Variants in GOLGA6L10 observed in about 807,000 individuals in gnomAD.
The protein encoded by GOLGA6L10 is golgin A6 family like 10, also known as golgin subfamily A member 6-like protein 10.
GOLGA6L10 carries 4 observed loss-of-function variants against 56.9 expected under a neutral mutation model. The ratio of observed to expected loss-of-function variants is 0.07; its 90% CI spans 0.03 to 0.16. The LOEUF is 0.16. Among genes scored for constraint, GOLGA6L10 ranks in the 10% least tolerant of loss-of-function variants. The pLI is 1.00. For missense variants in GOLGA6L10, 34 were observed against 558.3 expected (o/e 0.06, Z 9.46); for synonymous variants, 11 against 220.9 (o/e 0.05, Z 8.43).
intron 2 of GOLGA6L10, 41 bp from the exon 3 acceptor site, chr15:82,346,927 C>T: frequency 1.4e-6 from 1 of 727,784 alleles, no homozygotes; most frequent in Non-Finnish European, 1.8e-6. Flanking sequence ...TTCTGTCCCC[C>T]CCTCACTGTC....
Position 82,342,140 on chromosome 15 carries a change from G to A in GOLGA6L10, c.*636C>T, listed in dbSNP as rs2075643710. 1 of 158,466 alleles carries A rather than the reference G, an allele frequency of 6.3e-6. No homozygotes were observed. The highest frequency in any genetic ancestry group is 1.4e-5 in the Non-Finnish European group (1 of 72,114). The allele number at this position is 158,466 out of a possible 1,614,324, so 9.8% of individuals were successfully genotyped here. A position where few individuals can be genotyped will look rare whatever the true frequency, so the allele number is the denominator to read the frequency against. On this transcript the variant is annotated 3_prime_UTR_variant, in exon 9 of 9. Coordinates refer to ENST00000610657, the MANE Select transcript of GOLGA6L10 (RefSeq NM_001164465.3). ...CCATCCCCAATACACAGAAAAAGGGGGAAAGGCTGTTTCCAGTGCTCCACC... is the reference window on the plus strand; with the variant it reads ...CCATCCCCAATACACAGAAAAAGGGAGAAAGGCTGTTTCCAGTGCTCCACC...
chr15:82,340,230 T>G lies in GOLGA6L10; in HGVS notation c.*2546A>C, dbSNP rs1193407602. On this transcript the variant is annotated 3_prime_UTR_variant, in exon 9 of 9. Transcript: ENST00000610657. ...TTCCCCTAGATTCTTTGTTTTAAGC[T>G]ACAGTATTCGTATTTTAAAATGTTT... is the stretch of plus-strand genomic sequence containing the variant. 2.0e-4 allele frequency: 31 copies of G among 151,766 alleles called. No individual in the cohort carries two copies. Among genetic ancestry groups the G allele is most frequent in the African/African-American group, 7.2e-4 (30 of 41,518 alleles). 9.4% of individuals were successfully genotyped at this position (151,766 alleles called of 1,614,324 possible). A position where few individuals can be genotyped will look rare whatever the true frequency, so the allele number is the denominator to read the frequency against.
chr15:82,348,501 G>C (rs2075701501), intron 1 of GOLGA6L10, among the ~76,000 whole-genome samples: 1 of 148,080 alleles, frequency 6.8e-6, no homozygotes, highest in Non-Finnish European at 1.5e-5. Context: ...AGCTCACAGG[G>C]GAAGTGTAGG....
In GOLGA6L10 at chr15:82,342,324, C is replaced by G; in HGVS notation, c.*452G>C. 4.7e-6 allele frequency: 1 copy of G among 212,468 alleles called. No homozygotes were observed. The highest frequency in any genetic ancestry group is 9.4e-6 in the Non-Finnish European group (1 of 106,932). The allele number at this position is 212,468 out of a possible 1,614,324, so 13.2% of individuals were successfully genotyped here. ...ACATAAGGAAATTTTATCTGAATTC[C>G]GTAATGAATATACAGGCTGTACTAA... On this transcript the variant is annotated 3_prime_UTR_variant, in exon 9 of 9. Transcript: ENST00000610657.
At chr15:82,344,013 G>A (rs1393783813) in intron 7 of GOLGA6L10, among the ~76,000 whole-genome samples, 1 of 150,338 alleles carries the variant, frequency 6.7e-6, no homozygotes, top group Non-Finnish European at 1.5e-5. Flanking sequence ...CTCTGTGATT[G>A]GGGGGCTCCA....
At chr15:82,344,061 G>C (rs2075659224) in intron 7 of GOLGA6L10, among the ~76,000 whole-genome samples, 200 bp downstream of exon 7, 1 of 150,548 alleles carries the variant, frequency 6.6e-6, no homozygotes, top group East Asian at 1.9e-4. Flanking sequence ...CCAGACCTGG[G>C]AGGGCCCCAG....
Position 82,342,204 on chromosome 15 carries a change from T to C in GOLGA6L10, c.*572A>G, listed in dbSNP as rs1246727597. The stretch of plus-strand genomic sequence containing the variant: ...AAATGTCAGTACTCACAGTGGCATA[T>C]TACAAAGTAATAGACCGCGCACTTG... On this transcript the variant is annotated 3_prime_UTR_variant, in exon 9 of 9. Transcript: ENST00000610657. 5 of 176,460 alleles carry C rather than the reference T, an allele frequency of 2.8e-5. No individual in the cohort carries two copies. In the East Asian group the frequency reaches 5.2e-4, roughly 18 times the overall value. The allele number at this position is 176,460 out of a possible 1,614,324, so 10.9% of individuals were successfully genotyped here. A position where few individuals can be genotyped will look rare whatever the true frequency, so the allele number is the denominator to read the frequency against.
In GOLGA6L10 at chr15:82,340,114, A is replaced by T. The variant is rs1221732513; in HGVS notation, c.*2662T>A. 1.3e-5 allele frequency: 2 copies of T among 151,494 alleles called. No individual in the cohort carries two copies. The highest frequency in any genetic ancestry group is 2.1e-4 in the South Asian group (1 of 4,780). 9.4% of individuals were successfully genotyped at this position (151,494 alleles called of 1,614,324 possible). The stretch of plus-strand genomic sequence containing the variant: ...AGTATTTCCATCATGCATTCTGTGT[A>T]TAAGAATTCATAAATCGGTAAAAGT... On this transcript the variant is annotated 3_prime_UTR_variant, in exon 9 of 9. Transcript: ENST00000610657.
chr15:82,344,012 T>TG (rs1434601767), intron 7 of GOLGA6L10, among the ~76,000 whole-genome samples: 6 of 150,304 alleles, frequency 4.0e-5, no homozygotes, highest in African/African-American at 1.0e-4. Flanking sequence ...CCTCTGTGAT[T>TG]GGGGGGCTCC....
Position 82,342,657 on chromosome 15 carries a change from A to C in GOLGA6L10, c.*119T>G, listed in dbSNP as rs1197202444. 2.0e-6 allele frequency: 3 copies of C among 1,503,606 alleles called. No individual in the cohort carries two copies. The East Asian group carries it at 7.3e-5, about 36-fold the overall frequency. 93.1% of individuals were successfully genotyped at this position (1,503,606 alleles called of 1,614,324 possible). A position where few individuals can be genotyped will look rare whatever the true frequency, so the allele number is the denominator to read the frequency against. ...AGAAACACAAATAAATTTAAACTAT[A>C]AATTAGAAACACAAATAAACATAAG... On this transcript the variant is annotated 3_prime_UTR_variant, in exon 9 of 9. Coordinates refer to ENST00000610657, the MANE Select transcript of GOLGA6L10 (RefSeq NM_001164465.3).
intron 1 of GOLGA6L10, among the ~76,000 whole-genome samples, chr15:82,347,979 A>T (rs1316464957): frequency 6.6e-6 from 1 of 152,200 alleles, no homozygotes; most frequent in Admixed American, 6.5e-5. Context: ...AGAGTCATAC[A>T]TCCTCACAGG....
chr15:82,347,957 G>A (rs2075697719), intron 1 of GOLGA6L10, among the ~76,000 whole-genome samples: 2 of 152,246 alleles, frequency 1.3e-5, no homozygotes, highest in Non-Finnish European at 2.9e-5. Context: ...GGAACTGTAG[G>A]CCGTGTGGTT....
intron 2 of GOLGA6L10, among the ~76,000 whole-genome samples, 154 bp from the exon 3 acceptor site, chr15:82,347,040 G>A (rs1195816183): frequency 4.5e-4 from 68 of 150,384 alleles, no homozygotes; most frequent in African/African-American, 4.5e-4. Context: ...AACTTCTCTC[G>A]TGGTTCTTAT....
intron 1 of GOLGA6L10, among the ~76,000 whole-genome samples, chr15:82,348,251 T>C (rs1211883595): frequency 9.3e-5 from 14 of 150,918 alleles, no homozygotes; most frequent in South Asian, 4.2e-4. Context: ...GCACTCAAAG[T>C]ACCCCAGGTT....
At position 82,342,432 on chromosome 15, in the gene GOLGA6L10, A is replaced by G. The variant is rs1486951345; in HGVS notation, c.*344T>C. The G allele has an allele frequency of 2.6e-6, 1 of 383,768 alleles. No individual in the cohort carries two copies. The highest frequency in any genetic ancestry group is 4.5e-6 in the Non-Finnish European group (1 of 220,778). The allele number at this position is 383,768 out of a possible 1,614,324, so 23.8% of individuals were successfully genotyped here. ...TGGGTCTTTGTGTGTTTGAACTCCC[A>G]CCACATAAGGGCAAACTCGATATGC... is the stretch of plus-strand genomic sequence containing the variant. On this transcript the variant is annotated 3_prime_UTR_variant, in exon 9 of 9. Coordinates refer to ENST00000610657, the MANE Select transcript of GOLGA6L10 (RefSeq NM_001164465.3).
Position 82,340,422 on chromosome 15 carries a change from A to G in GOLGA6L10, c.*2354T>C, listed in dbSNP as rs1382095776. The G allele has an allele frequency of 6.6e-6, 1 of 151,532 alleles. No individual in the cohort carries two copies. The highest frequency in any genetic ancestry group is 1.5e-5 in the Non-Finnish European group (1 of 67,838). The allele number at this position is 151,532 out of a possible 1,614,324, so 9.4% of individuals were successfully genotyped here. A position where few individuals can be genotyped will look rare whatever the true frequency, so the allele number is the denominator to read the frequency against. ...AGAACTGATTGTTTTTCATTTCAGG[A>G]AAACCTATCAGGTTTAATCTATTAC... On this transcript the variant is annotated 3_prime_UTR_variant, in exon 9 of 9. Transcript: ENST00000610657.
chr15:82,340,382 A>T lies in GOLGA6L10; in HGVS notation c.*2394T>A, dbSNP rs1183060206. ...ATTTACATTTTCACATTTTCTAAAAATCAGCTTTGGTTTTAGAACTGATTG... is the reference window on the plus strand; with the variant it reads ...ATTTACATTTTCACATTTTCTAAAATTCAGCTTTGGTTTTAGAACTGATTG... On this transcript the variant is annotated 3_prime_UTR_variant, in exon 9 of 9. Coordinates refer to ENST00000610657, the MANE Select transcript of GOLGA6L10 (RefSeq NM_001164465.3). 1.3e-5 allele frequency: 2 copies of T among 151,574 alleles called. No homozygotes were observed. Among genetic ancestry groups the T allele is most frequent in the African/African-American group, 4.8e-5 (2 of 41,402 alleles). 9.4% of individuals were successfully genotyped at this position (151,574 alleles called of 1,614,324 possible). A position where few individuals can be genotyped will look rare whatever the true frequency, so the allele number is the denominator to read the frequency against.
chr15:82,344,065 G>A lies in GOLGA6L10; in HGVS notation c.1333+196C>T, dbSNP rs1419545809. Reference sequence around the variant, plus strand: ...GATGATGATGTCCAGACCTGGGAGGGCCCCAGGGCTACCCACCTCTAAAAG... The same window carrying A: ...GATGATGATGTCCAGACCTGGGAGGACCCCAGGGCTACCCACCTCTAAAAG... On this transcript the variant is annotated intron_variant, in intron 7 of 8. Transcript: ENST00000610657. Among the ~76,000 whole-genome samples, 1,136 of 148,930 alleles carry A rather than the reference G, an allele frequency of 7.6e-3. 25 individuals carry two copies. The highest frequency in any genetic ancestry group is 0.028 in the African/African-American group (1,061 of 38,454).
Position 82,344,709 on chromosome 15 carries a change from A to G in GOLGA6L10, c.1151T>C (p.Leu384Pro). The change falls in exon 6 of 9, where the codon CTG becomes CCG. Residue 384 changes from leucine (L) to proline (P), a missense_variant. Transcript: ENST00000610657. ...QDERLWQQET[L>P]RELERLRELE... ...CTCCCGCAGCCTCTCCAGCTCCCGC[A>G]GAGTCTCCTGCTGCCACAGCCTCTC... is the stretch of plus-strand genomic sequence containing the variant. 6.3e-7 allele frequency: 1 copy of G among 1,580,104 alleles called. No individual in the cohort carries two copies. Among genetic ancestry groups the G allele is most frequent in the South Asian group, 1.1e-5 (1 of 87,404 alleles).
Sources: allele counts gnomAD v4.1 joint callset (sites outside exome capture counted in the v4.1 genomes callset), GRCh38; gene constraint gnomAD v4.1.1; transcripts MANE v1.5; gene names NCBI Gene and HGNC (gene_info 2026-07-23, HGNC 2026-07-21).